SLC22A23: variants seen among roughly 807,000 people sequenced by gnomAD.
SLC22A23 encodes solute carrier family 22 member 23, also known as ion transporter protein.
SLC22A23 carries 26 observed loss-of-function variants against 61.0 expected under a neutral mutation model. The ratio of observed to expected loss-of-function variants is 0.43; its 90% CI spans 0.31 to 0.59. The LOEUF is 0.59. SLC22A23 is among the 20% of genes least tolerant of loss of function. The pLI is 0.11. For missense variants in SLC22A23, 796 were observed against 934.7 expected (o/e 0.85, Z 1.94); for synonymous variants, 430 against 413.9 (o/e 1.04, Z -0.47).
In SLC22A23 at chr6:3,317,815, C is replaced by T. The variant is rs753393551; in HGVS notation, c.1082+6019G>A. Among the ~76,000 whole-genome samples, 8 of 152,186 alleles carry T rather than the reference C, an allele frequency of 5.3e-5. No homozygotes were observed. Among genetic ancestry groups the T allele is most frequent in the African/African-American group, 1.2e-4 (5 of 41,434 alleles). On this transcript the variant is annotated intron_variant, in intron 4 of 9. Transcript: ENST00000406686. This position sits in a 1 kb window ranked among gnomAD's most constrained non-coding sequence, Gnocchi z 4.4. ...CTCAAGTTTGACTCTGCAAACCACA[C>T]GAGAGGACCAGGCGAGCGCACCCTC...
At chr6:3,432,449 A>C in intron 1 of SLC22A23, 3 of 960,750 alleles carry the variant, frequency 3.1e-6, no homozygotes, top group Non-Finnish European at 3.7e-6. Context: ...TCTTCAGCTC[A>C]CTGTAAAACC....
chr6:3,353,679 T>G (rs1764908851), intron 3 of SLC22A23, among the ~76,000 whole-genome samples: 1 of 152,182 alleles, frequency 6.6e-6, no homozygotes, highest in African/African-American at 2.4e-5. Flanking sequence ...CTCGTCCCAT[T>G]ACCGAAGCTG....
chr6:3,381,761 G>A (rs191433984), intron 3 of SLC22A23, among the ~76,000 whole-genome samples: 2 of 152,294 alleles, frequency 1.3e-5, no homozygotes, highest in East Asian at 3.9e-4. Context: ...GCCTGGCAGT[G>A]CACAGTAAAG....
chr6:3,311,782 C>T (rs1762379836), intron 4 of SLC22A23: 1 of 152,188 alleles, frequency 6.6e-6, no homozygotes, highest in Non-Finnish European at 1.5e-5. Context: ...TTTTGTCTTT[C>T]AAAGTGATAT....
In SLC22A23 at chr6:3,372,108, C is replaced by T. The variant is rs1373889945; in HGVS notation, c.913+38080G>A. Among the ~76,000 whole-genome samples, 2 of 152,182 alleles carry T rather than the reference C, an allele frequency of 1.3e-5. No individual in the cohort carries two copies. Among genetic ancestry groups the T allele is most frequent in the East Asian group, 1.9e-4 (1 of 5,190 alleles). On this transcript the variant is annotated intron_variant, in intron 3 of 9. Transcript: ENST00000406686. This position sits in a 1 kb window ranked among gnomAD's most constrained non-coding sequence, Gnocchi z 4.7. ...CCATGCTTAAACAGCTAGAAGCATC[C>T]GTGCTGAGGCCATGAACCTGGGCAA...
intron 4 of SLC22A23, among the ~76,000 whole-genome samples, chr6:3,302,515 C>T (rs185346279): frequency 2.1e-4 from 32 of 152,220 alleles, no homozygotes; most frequent in Admixed American, 1.9e-3. Context: ...TCTTGAAATA[C>T]ATCATTGGGT....
intron 3 of SLC22A23, among the ~76,000 whole-genome samples, chr6:3,393,207 G>C (rs1010146015): frequency 6.6e-6 from 1 of 152,204 alleles, no homozygotes; most frequent in African/African-American, 2.4e-5. Flanking sequence ...GAAAGCCTCA[G>C]TGGACTGAGG....
chr6:3,429,538 T>A (rs1445521425), intron 1 of SLC22A23, among the ~76,000 whole-genome samples: 1 of 152,158 alleles, frequency 6.6e-6, no homozygotes, highest in Non-Finnish European at 1.5e-5. Flanking sequence ...CACTATGTTA[T>A]CCTTTAAAAA....
intron 1 of SLC22A23, chr6:3,444,855 G>C (rs1771804654): frequency 1.0e-6 from 1 of 985,596 alleles, no homozygotes; most frequent in Non-Finnish European, 1.2e-6. Flanking sequence ...GGTGAAGGCG[G>C]CAGACACCTG....
chr6:3,326,114 G>C (rs1763265873), intron 3 of SLC22A23, among the ~76,000 whole-genome samples: 1 of 152,208 alleles, frequency 6.6e-6, no homozygotes, highest in Admixed American at 6.5e-5. Flanking sequence ...CAGGTTCTAG[G>C]TTTGCGGATG....
At position 3,327,394 on chromosome 6, in the gene SLC22A23, T is replaced by C. The variant is rs978031214; in HGVS notation, c.914-3392A>G. On this transcript the variant is annotated intron_variant, in intron 3 of 9. Coordinates refer to ENST00000406686, the MANE Select transcript of SLC22A23 (RefSeq NM_015482.2). This position sits in a 1 kb window ranked among gnomAD's most constrained non-coding sequence, Gnocchi z 4.1. ...CCCAAATCCTTTTAGTAGATTTTCA[T>C]TCATGGGCAGCCAGACTCTCCCTGA... Among the ~76,000 whole-genome samples, 1 of 152,244 alleles carries C rather than the reference T, an allele frequency of 6.6e-6. No individual in the cohort carries two copies. The highest frequency in any genetic ancestry group is 2.4e-5 in the African/African-American group (1 of 41,478).
Position 3,324,021 on chromosome 6 carries a change from G to A in SLC22A23, c.914-19C>T, listed in dbSNP as rs373135062. The A allele has an allele frequency of 6.8e-6, 11 of 1,611,024 alleles. No homozygotes were observed. The African/African-American group carries it at 1.1e-4, about 16-fold the overall frequency. ...TCTATTCCTAGAACACAGAACCAAT[G>A]AGAGAGAGATGAGTGCCCTGCTCGA... On this transcript the variant is annotated intron_variant, in intron 3 of 9. Coordinates refer to ENST00000406686, the MANE Select transcript of SLC22A23 (RefSeq NM_015482.2). This position sits in a 1 kb window ranked among gnomAD's most constrained non-coding sequence, Gnocchi z 4.3.
chr6:3,298,271 G>A (rs985711377), intron 4 of SLC22A23, 53 bp from the exon 5 acceptor site: 32 of 1,550,310 alleles, frequency 2.1e-5, no homozygotes, highest in East Asian at 5.0e-5. Context: ...GCACGGCACC[G>A]GGAAGTGTGG....
chr6:3,314,377 C>T (rs1006715656), intron 4 of SLC22A23, among the ~76,000 whole-genome samples: 13 of 152,292 alleles, frequency 8.5e-5, no homozygotes, highest in East Asian at 5.8e-4. Context: ...GCTCTGGAGT[C>T]CACCTGCTGG....
At position 3,297,248 on chromosome 6, in the gene SLC22A23, CAG is replaced by C. The variant is rs1491167083; in HGVS notation, c.1210+841_1210+842del. 1.3e-5 allele frequency among the ~76,000 whole-genome samples: 2 copies of C among 152,208 alleles called. No homozygotes were observed. The highest frequency in any genetic ancestry group is 1.9e-4 in the East Asian group (1 of 5,206). ...AATCATGATCACAAGCATTTCTGGT[CAG>C]GGGGGAAAATGAGCATATTCTCTCT... On this transcript the variant is annotated intron_variant, in intron 5 of 9. Transcript: ENST00000406686. This position sits in a 1 kb window ranked among gnomAD's most constrained non-coding sequence, Gnocchi z 4.3.
chr6:3,423,924 G>A (rs1450908191), intron 1 of SLC22A23, among the ~76,000 whole-genome samples: 1 of 152,138 alleles, frequency 6.6e-6, no homozygotes, highest in Non-Finnish European at 1.5e-5. Context: ...AGACTGTAAC[G>A]ACCCAGGTGA....
chr6:3,333,029 C>T lies in SLC22A23; in HGVS notation c.914-9027G>A, dbSNP rs1300608090. 5.3e-5 allele frequency among the ~76,000 whole-genome samples: 8 copies of T among 152,066 alleles called. No individual in the cohort carries two copies. The highest frequency in any genetic ancestry group is 3.3e-4 in the Admixed American group (5 of 15,270). ...GAGCGTATCGCAGCTGGTGCCTGTG[C>T]GTCACGGTGCTGCCCCGCAGGAGGT... On this transcript the variant is annotated intron_variant, in intron 3 of 9. Transcript: ENST00000406686. This position sits in a 1 kb window ranked among gnomAD's most constrained non-coding sequence, Gnocchi z 4.1.
intron 9 of SLC22A23, among the ~76,000 whole-genome samples, chr6:3,279,262 C>T (rs1581589009): frequency 1.3e-5 from 2 of 151,600 alleles, no homozygotes; most frequent in East Asian, 1.9e-4. Flanking sequence ...CCTGTAATCC[C>T]AGCAATTTGG....
chr6:3,397,069 C>T (rs1332906315), intron 3 of SLC22A23, among the ~76,000 whole-genome samples: 7 of 152,296 alleles, frequency 4.6e-5, no homozygotes, highest in East Asian at 1.9e-4. Context: ...GCTGTGGGGT[C>T]GCAGCCCCAC....
Sources: allele counts gnomAD v4.1 joint callset (sites outside exome capture counted in the v4.1 genomes callset), GRCh38; gene constraint gnomAD v4.1.1; non-coding constraint Gnocchi (gnomAD v3.1); transcripts MANE v1.5; gene names NCBI Gene and HGNC (gene_info 2026-07-23, HGNC 2026-07-21).